The following AVEN variants were observed in gnomAD, a reference collection of about 807,000 sequenced individuals.
AVEN encodes the protein cell death regulator Aven.
A neutral mutation model predicts 38.1 loss-of-function variants in AVEN; 41 were observed. That is an observed-to-expected ratio of 1.08 (90% CI 0.84 to 1.40). The LOEUF is 1.40. Ranked by LOEUF, AVEN falls within the 40% of genes most tolerant of loss-of-function variation. AVEN has a pLI of 0.00. For missense variants in AVEN, 605 were observed against 438.8 expected (o/e 1.38, Z -3.38); for synonymous variants, 206 against 171.8 (o/e 1.20, Z -1.56).
At chr15:33,919,700 G>A (rs1893314373) in intron 2 of AVEN, among the ~76,000 whole-genome samples, 2 of 152,180 alleles carry the variant, frequency 1.3e-5, no homozygotes, top group Non-Finnish European at 2.9e-5. Context: ...ATTTTCTGTA[G>A]GGGATGCTAC....
downstream of AVEN, chr15:33,857,955 G>A (rs758941775): frequency 1.2e-5 from 19 of 1,552,998 alleles, no homozygotes; most frequent in Non-Finnish European, 1.6e-5. Context: ...ACCCACTGCG[G>A]GGCCACCCCG....
intron 2 of AVEN, among the ~76,000 whole-genome samples, chr15:33,983,211 TATACATATATATACACACACATAC>T (rs1896261184): frequency 6.9e-5 from 1 of 14,540 alleles, no homozygotes; most frequent in Non-Finnish European, 1.5e-4. Flanking sequence ...TATATATATA[TATACATATATATACACACACATAC>T]ACACACACAC....
Position 33,859,400 on chromosome 15 carries a change from G to C in AVEN, n.2730-306C>G, listed in dbSNP as rs116868254. Among the ~76,000 whole-genome samples the C allele has an allele frequency of 3.8e-3, 578 of 152,266 alleles. 3 individuals are homozygous for C. Among genetic ancestry groups the C allele is most frequent in the Non-Finnish European group, 6.9e-3 (466 of 68,026 alleles). On this transcript the variant is annotated intron_variant and non_coding_transcript_variant, in intron 11 of 11. Coordinates refer to the AVEN transcript ENST00000675287. The stretch of plus-strand genomic sequence containing the variant: ...TTTCCATCTTTGTAGATATCAAACT[G>C]TCCAGAGGGTGCAGTGGACAGCAGC...
chr15:33,921,056 G>A (rs1001690153), intron 2 of AVEN, among the ~76,000 whole-genome samples: 6 of 152,280 alleles, frequency 3.9e-5, no homozygotes, highest in African/African-American at 9.6e-5. Context: ...GATTACTGGC[G>A]TGAGCTACCG....
chr15:34,075,062 A>G (rs1448239844), exon 1 of AVEN, among the ~76,000 whole-genome samples: 1 of 151,876 alleles, frequency 6.6e-6, no homozygotes, highest in Admixed American at 6.6e-5. Context: ...CTGTAGTCCC[A>G]GTTACTCAGG....
chr15:34,014,796 A>G (rs1897811065), intron 1 of AVEN, among the ~76,000 whole-genome samples: 2 of 152,194 alleles, frequency 1.3e-5, no homozygotes, highest in South Asian at 4.1e-4. Flanking sequence ...AGGAGCTGAG[A>G]ATGTGGCCCC....
chr15:33,907,972 T>C lies in AVEN; in HGVS notation c.446-31977A>G, dbSNP rs1892770948. Among the ~76,000 whole-genome samples, 3 of 152,190 alleles carry C rather than the reference T, an allele frequency of 2.0e-5. No homozygotes were observed. In the South Asian group the frequency reaches 6.2e-4, roughly 32 times the overall value. ...TAAAGCATCTCTATGTCCAAAAATT[T>C]AGGAAAGTCAAAAGACAAATGACAA... On this transcript the variant is annotated intron_variant, in intron 2 of 5. Transcript: ENST00000306730.
chr15:33,930,033 G>A (rs1893780058), intron 2 of AVEN, among the ~76,000 whole-genome samples: 1 of 152,140 alleles, frequency 6.6e-6, no homozygotes, highest in African/African-American at 2.4e-5. Flanking sequence ...ATCCAGTGGA[G>A]AAATACTAAA....
At chr15:34,040,040 T>A (rs1899400088), upstream of AVEN, among the ~76,000 whole-genome samples, 1 of 152,230 alleles carries the variant, frequency 6.6e-6, no homozygotes, top group Non-Finnish European at 1.5e-5. Context: ...CCTAGCAGAA[T>A]AAGTGTTTTC....
intron 4 of AVEN, chr15:34,064,708 G>A (rs998064858): frequency 1.1e-4 from 24 of 225,648 alleles, no homozygotes; most frequent in Middle Eastern, 1.9e-3. Context: ...AGAATTTTGT[G>A]CAATATGTAT....
chr15:33,909,410 T>C (rs1291939930), intron 2 of AVEN, among the ~76,000 whole-genome samples: 4 of 152,202 alleles, frequency 2.6e-5, no homozygotes, highest in African/African-American at 9.7e-5. Context: ...TTTTATACTC[T>C]ATAAATGTAC....
chr15:33,918,304 C>T (rs970882289), intron 2 of AVEN, among the ~76,000 whole-genome samples: 1 of 152,110 alleles, frequency 6.6e-6, no homozygotes, highest in Non-Finnish European at 1.5e-5. Context: ...GCTCATTTAG[C>T]TCCTACTATG....
intron 1 of AVEN, among the ~76,000 whole-genome samples, chr15:34,004,198 C>T (rs1257300930): frequency 1.3e-5 from 2 of 152,186 alleles, no homozygotes; most frequent in Non-Finnish European, 2.9e-5. Flanking sequence ...AAAAAGTTCC[C>T]TGTATTACAA....
intron 5 of AVEN, among the ~76,000 whole-genome samples, chr15:34,044,257 C>T (rs1899599447): frequency 6.6e-6 from 1 of 152,148 alleles, no homozygotes; most frequent in Non-Finnish European, 1.5e-5. Context: ...GCCTTTTGTG[C>T]CCACCACTTC....
At chr15:33,934,523 T>C (rs1469955504) in intron 2 of AVEN, among the ~76,000 whole-genome samples, 2 of 152,216 alleles carry the variant, frequency 1.3e-5, no homozygotes, top group Non-Finnish European at 2.9e-5. Context: ...TATCTCACCT[T>C]GGACAGCTAT....
At chr15:34,005,096 C>T (rs1025052272) in intron 1 of AVEN, among the ~76,000 whole-genome samples, 1 of 152,296 alleles carries the variant, frequency 6.6e-6, no homozygotes, top group Admixed American at 6.5e-5. Context: ...CAGAGTACCA[C>T]TAACCCCTCA....
intron 5 of AVEN, among the ~76,000 whole-genome samples, chr15:34,048,102 C>T (rs551247698): frequency 4.6e-5 from 7 of 152,252 alleles, no homozygotes; most frequent in African/African-American, 1.4e-4. Context: ...TCTGAAACTC[C>T]TGAACTCAAG....
chr15:33,975,577 T>A (rs1895848133), intron 2 of AVEN, among the ~76,000 whole-genome samples: 1 of 152,182 alleles, frequency 6.6e-6, no homozygotes. Flanking sequence ...AAACAAAAAG[T>A]GAGAATTTGT....
At chr15:33,854,629 T>TCTTGG (rs2079452838), downstream of AVEN, 2 of 1,201,980 alleles carry the variant, frequency 1.7e-6, no homozygotes, top group Non-Finnish European at 2.4e-6. Flanking sequence ...ACTTAGCAGA[T>TCTTGG]CTTGGGCCAG....
Sources: allele counts gnomAD v4.1 joint callset (sites outside exome capture counted in the v4.1 genomes callset), GRCh38; gene constraint gnomAD v4.1.1; transcripts MANE v1.5; gene names NCBI Gene and HGNC (gene_info 2026-07-23, HGNC 2026-07-21).